Variants in ADAM9 observed in about 807,000 individuals in gnomAD.
The protein encoded by ADAM9 is ADAM metallopeptidase domain 9.
In ADAM9, 54 loss-of-function variants were observed where a neutral mutation model predicts 108.1. The ratio of observed to expected loss-of-function variants is 0.50; its 90% CI spans 0.40 to 0.63. The LOEUF (loss-of-function observed/expected upper bound fraction) is 0.63, where lower values mean the gene tolerates loss of function less well. ADAM9 is among the 20% of genes least tolerant of loss of function. The pLI is 0.00. For missense variants in ADAM9, 830 were observed against 997.7 expected (o/e 0.83, Z 2.26); for synonymous variants, 316 against 336.0 (o/e 0.94, Z 0.65).
intron 20 of ADAM9, among the ~76,000 whole-genome samples, chr8:39,097,238 C>T (rs1839534705): frequency 6.6e-6 from 1 of 151,504 alleles, no homozygotes; most frequent in South Asian, 2.1e-4. Flanking sequence ...CTGCAGTCTC[C>T]TAATTGTGGA....
chr8:39,014,520 A>G (rs761737052), intron 4 of ADAM9: 40 of 701,608 alleles, frequency 5.7e-5, no homozygotes, highest in African/African-American at 1.9e-4. Context: ...ATCAGAGAAC[A>G]GAGTACTCCT....
chr8:39,101,459 A>T (rs1483286175), intron 20 of ADAM9, among the ~76,000 whole-genome samples: 2 of 152,218 alleles, frequency 1.3e-5, no homozygotes, highest in African/African-American at 4.8e-5. Flanking sequence ...GTCAGGAGTG[A>T]TGGTGAGCCA....
At chr8:39,094,836 T>C (rs1181690920) in intron 20 of ADAM9, among the ~76,000 whole-genome samples, 1 of 152,104 alleles carries the variant, frequency 6.6e-6, no homozygotes, top group East Asian at 1.9e-4. Context: ...GTTAATTTTA[T>C]TTATCTTTTC....
Position 39,041,823 on chromosome 8 carries a change from A to T in ADAM9, c.1131-123A>T, listed in dbSNP as rs1837463151. 22 of 849,182 alleles carry T rather than the reference A, an allele frequency of 2.6e-5. No homozygotes were observed. In the South Asian group the frequency reaches 3.4e-4, roughly 13 times the overall value. 52.6% of individuals were successfully genotyped at this position (849,182 alleles called of 1,614,324 possible). A position where few individuals can be genotyped will look rare whatever the true frequency, so the allele number is the denominator to read the frequency against. On this transcript the variant is annotated intron_variant, in intron 11 of 21. Coordinates refer to ENST00000487273, the MANE Select transcript of ADAM9 (RefSeq NM_003816.3). ...TAGATATGAATTCTCATTTCTGTCC[A>T]CTTTTATTAGCTTCTTTTCTGTCAT...
intron 20 of ADAM9, among the ~76,000 whole-genome samples, chr8:39,100,736 T>C (rs1003204098): frequency 6.6e-6 from 1 of 152,188 alleles, no homozygotes; most frequent in African/African-American, 2.4e-5. Flanking sequence ...CTCAAGGTCT[T>C]CACCACCACT....
chr8:39,090,338 T>A (rs1260296140), intron 19 of ADAM9, 150 bp downstream of exon 19: 1 of 649,614 alleles, frequency 1.5e-6, no homozygotes, highest in Admixed American at 3.0e-5. Flanking sequence ...ACCCAGTTAA[T>A]TTTTATATTT....
At chr8:39,018,608 A>AT (rs1372037834) in intron 6 of ADAM9, 11 of 523,858 alleles carry the variant, frequency 2.1e-5, no homozygotes, top group Non-Finnish European at 3.4e-5. Context: ...CTTCAAAAAC[A>AT]TTTTTTTCCC....
chr8:39,006,948 T>C (rs1262639574), intron 1 of ADAM9, among the ~76,000 whole-genome samples: 1 of 152,230 alleles, frequency 6.6e-6, no homozygotes, highest in East Asian at 1.9e-4. Context: ...ATATTAAAAG[T>C]ACCTTTTCCC....
chr8:39,074,856 G>T (rs1012838437), intron 15 of ADAM9, among the ~76,000 whole-genome samples: 6 of 144,454 alleles, frequency 4.2e-5, no homozygotes, highest in Admixed American at 6.9e-5. Context: ...CTTAACTTAT[G>T]TCTCTATCAT....
intron 11 of ADAM9, among the ~76,000 whole-genome samples, chr8:39,039,247 G>T (rs1164381100): frequency 6.6e-6 from 1 of 152,036 alleles, no homozygotes; most frequent in East Asian, 1.9e-4. Flanking sequence ...GAGATTCAGG[G>T]TACCAAATTC....
At chr8:39,026,103 T>G (rs564255645) in intron 10 of ADAM9, among the ~76,000 whole-genome samples, 7 of 152,320 alleles carry the variant, frequency 4.6e-5, no homozygotes, top group African/African-American at 1.7e-4. Context: ...TCATTTTATT[T>G]TACTTTAAGT....
chr8:39,099,299 A>G lies in ADAM9; in HGVS notation c.2299-2564A>G, dbSNP rs566782820. Among the ~76,000 whole-genome samples, 11 of 151,294 alleles carry G rather than the reference A, an allele frequency of 7.3e-5. No homozygotes were observed. In the South Asian group the frequency reaches 2.1e-3, roughly 29 times the overall value. ...GGAAGATTTCCACAGGACAAAGGCAACTCCGTAGTTTGGACTCTTTCATAC... is the reference window on the plus strand; with the variant it reads ...GGAAGATTTCCACAGGACAAAGGCAGCTCCGTAGTTTGGACTCTTTCATAC... On this transcript the variant is annotated intron_variant, in intron 20 of 21. Coordinates refer to ENST00000487273, the MANE Select transcript of ADAM9 (RefSeq NM_003816.3).
intron 10 of ADAM9, among the ~76,000 whole-genome samples, chr8:39,026,202 G>C (rs1836915754): frequency 6.6e-6 from 1 of 152,108 alleles, no homozygotes; most frequent in Admixed American, 6.6e-5. Flanking sequence ...CCGTCATCTA[G>C]GTTTTAAGCC....
At chr8:39,045,499 C>CACACCT (rs1181378571) in intron 12 of ADAM9, among the ~76,000 whole-genome samples, 6 of 139,902 alleles carry the variant, frequency 4.3e-5, no homozygotes, top group Admixed American at 1.4e-4. Context: ...CGTGTGTATA[C>CACACCT]ATATGTGTGT....
intron 12 of ADAM9, among the ~76,000 whole-genome samples, chr8:39,043,852 C>A (rs1473380527): frequency 6.6e-6 from 1 of 152,140 alleles, no homozygotes; most frequent in African/African-American, 2.4e-5. Flanking sequence ...TTGCTTAGCT[C>A]CCACTTATAA....
chr8:39,070,668 G>A (rs1033196977), intron 14 of ADAM9, among the ~76,000 whole-genome samples: 14 of 151,842 alleles, frequency 9.2e-5, no homozygotes, highest in African/African-American at 2.9e-4. Context: ...TGAGGTGGGA[G>A]GATTGCTTGA....
rs772805392 is a variant in ADAM9 at position 39,011,648 on chromosome 8, G to A, written c.196-10G>A. 1 of 1,606,058 alleles carries A rather than the reference G, an allele frequency of 6.2e-7. No individual in the cohort carries two copies. Among genetic ancestry groups the A allele is most frequent in the Non-Finnish European group, 8.5e-7 (1 of 1,173,032 alleles). On this transcript the variant is annotated splice_polypyrimidine_tract_variant and intron_variant, in intron 2 of 21. Transcript: ENST00000487273. ...TGATGTTTTATTCTTTTCCCCTTCT[G>A]TGCATTTAGGTATCTTATGTTATTC...
chr8:39,059,067 A>T (rs189461455), intron 14 of ADAM9, among the ~76,000 whole-genome samples: 23 of 152,344 alleles, frequency 1.5e-4, no homozygotes, highest in Non-Finnish European at 2.9e-4. Flanking sequence ...GAACATGGTA[A>T]GGCCAGTGAA....
intron 12 of ADAM9, among the ~76,000 whole-genome samples, chr8:39,043,718 T>A (rs773615789): frequency 2.0e-5 from 3 of 152,160 alleles, no homozygotes; most frequent in Non-Finnish European, 2.9e-5. Flanking sequence ...TTCATGTACC[T>A]GTCATTCAAA....
Sources: allele counts gnomAD v4.1 joint callset (sites outside exome capture counted in the v4.1 genomes callset), GRCh38; gene constraint gnomAD v4.1.1; transcripts MANE v1.5; gene names NCBI Gene and HGNC (gene_info 2026-07-23, HGNC 2026-07-21).